GPC5: variants seen among roughly 807,000 people sequenced by gnomAD.
GPC5 encodes the protein glypican 5.
A neutral mutation model predicts 53.9 loss-of-function variants in GPC5; 47 were observed. That is an observed-to-expected ratio of 0.87 (90% CI 0.69 to 1.11). The LOEUF is 1.11. GPC5 is among the 50% of genes most tolerant of loss of function. The pLI is 0.00. For missense variants in GPC5, 748 were observed against 713.1 expected, an observed-to-expected ratio of 1.05 and a Z score of -0.56; for synonymous variants, 286 against 263.3, an observed-to-expected ratio of 1.09 and a Z score of -0.84.
intron 1 of GPC5, among the ~76,000 whole-genome samples, chr13:91,444,703 C>T (rs967682701): frequency 1.3e-5 from 2 of 152,126 alleles, no homozygotes; most frequent in African/African-American, 4.8e-5. Context: ...CAGCATTTCT[C>T]TTCTGTGTGT....
intron 7 of GPC5, among the ~76,000 whole-genome samples, chr13:92,702,173 T>C (rs9561121): frequency 0.13 from 20,166 of 152,092 alleles, 2,088 homozygotes; most frequent in East Asian, 0.4. Context: ...ATTTAAACTT[T>C]TAACAATGAA....
intron 6 of GPC5, among the ~76,000 whole-genome samples, chr13:92,098,214 T>C (rs9589426): frequency 0.039 from 5,932 of 152,174 alleles, 383 homozygotes; most frequent in African/African-American, 0.14. Flanking sequence ...TATGCGTCCA[T>C]GTGTTCTCAT....
At chr13:92,072,132 T>A (rs1213144037) in intron 6 of GPC5, among the ~76,000 whole-genome samples, 2 of 146,910 alleles carry the variant, frequency 1.4e-5, no homozygotes, top group South Asian at 2.1e-4. Flanking sequence ...AATAAAATGA[T>A]CATTTTATTA....
intron 6 of GPC5, among the ~76,000 whole-genome samples, chr13:91,969,576 A>G (rs2040221477): frequency 6.6e-6 from 1 of 152,186 alleles, no homozygotes; most frequent in Non-Finnish European, 1.5e-5. Flanking sequence ...CAACAAAATG[A>G]AAGGGCAACC....
At chr13:91,650,650 A>G (rs1200006894) in intron 2 of GPC5, among the ~76,000 whole-genome samples, 1 of 151,980 alleles carries the variant, frequency 6.6e-6, no homozygotes, top group East Asian at 1.9e-4. Context: ...CAATAAAACA[A>G]TTTTAACCTG....
rs986395565 is a variant in GPC5, at chr13:91,535,666, G to A, written c.325+86744G>A. Among the ~76,000 whole-genome samples, 3 of 152,030 alleles carry A rather than the reference G, an allele frequency of 2.0e-5. No homozygotes were observed. The South Asian group carries it at 6.2e-4, about 32-fold the overall frequency. Reference sequence around the variant, plus strand: ...TCGTCTTTTAATGGAAAATCAAACAGTAAAACGAATATACATAAAAAAATG... The same window carrying A: ...TCGTCTTTTAATGGAAAATCAAACAATAAAACGAATATACATAAAAAAATG... On this transcript the variant is annotated intron_variant, in intron 2 of 7. Coordinates refer to ENST00000377067, the MANE Select transcript of GPC5 (RefSeq NM_004466.6).
chr13:91,961,065 A>C (rs1024280048), intron 6 of GPC5, among the ~76,000 whole-genome samples: 15 of 151,770 alleles, frequency 9.9e-5, no homozygotes, highest in African/African-American at 3.1e-4. Flanking sequence ...TTAAAAAAAA[A>C]CTTCTCCATA....
chr13:91,593,743 A>AT (rs1262950469), intron 2 of GPC5, among the ~76,000 whole-genome samples: 2 of 152,126 alleles, frequency 1.3e-5, no homozygotes, highest in Admixed American at 1.3e-4. Context: ...AAGTAACATG[A>AT]TTTTTTTCAA....
intron 7 of GPC5, among the ~76,000 whole-genome samples, chr13:92,613,285 ATT>A (rs1219470023): frequency 8.2e-6 from 1 of 121,600 alleles, no homozygotes; most frequent in Non-Finnish European, 1.6e-5. Flanking sequence ...TATAATATAT[ATT>A]TTATATATAA....
At chr13:91,470,830 A>G (rs1882576210) in intron 2 of GPC5, among the ~76,000 whole-genome samples, 1 of 152,166 alleles carries the variant, frequency 6.6e-6, no homozygotes, top group South Asian at 2.1e-4. Context: ...TTAGAATTCC[A>G]TCTACATTTT....
intron 6 of GPC5, among the ~76,000 whole-genome samples, chr13:91,934,353 C>T (rs1566349978): frequency 6.6e-6 from 1 of 151,748 alleles, no homozygotes; most frequent in Non-Finnish European, 1.5e-5. Flanking sequence ...TTCACAAACA[C>T]TTTTTTGGGG....
chr13:92,853,024 C>T (rs563397495), intron 7 of GPC5, among the ~76,000 whole-genome samples: 5 of 152,174 alleles, frequency 3.3e-5, no homozygotes, highest in East Asian at 3.9e-4. Context: ...GTTAGAGTTT[C>T]GACCAGCTTT....
chr13:92,546,271 C>T (rs940764749), intron 7 of GPC5, among the ~76,000 whole-genome samples: 10 of 152,188 alleles, frequency 6.6e-5, no homozygotes, highest in African/African-American at 9.6e-5. Flanking sequence ...AAAACCCCAT[C>T]GTCTCAACCC....
intron 1 of GPC5, among the ~76,000 whole-genome samples, chr13:91,427,503 C>A (rs753769763): frequency 6.6e-6 from 1 of 152,210 alleles, no homozygotes; most frequent in Non-Finnish European, 1.5e-5. Flanking sequence ...TGGCTAATTT[C>A]TCCCATTTGG....
chr13:91,545,253 G>T (rs1318150618), intron 2 of GPC5, among the ~76,000 whole-genome samples: 1 of 152,186 alleles, frequency 6.6e-6, no homozygotes, highest in Non-Finnish European at 1.5e-5. Context: ...AAAGGCTCAT[G>T]TCTGTAAATC....
At chr13:91,878,961 A>G (rs1186356378) in intron 5 of GPC5, among the ~76,000 whole-genome samples, 1 of 151,990 alleles carries the variant, frequency 6.6e-6, no homozygotes, top group Admixed American at 6.6e-5. Flanking sequence ...ACAGCCTAAG[A>G]TTTCTCTCTA....
chr13:92,128,346 G>A (rs2041716664), intron 6 of GPC5, among the ~76,000 whole-genome samples: 1 of 152,070 alleles, frequency 6.6e-6, no homozygotes, highest in African/African-American at 2.4e-5. Flanking sequence ...TTCTCTCCAA[G>A]AACATCTCTA....
intron 2 of GPC5, among the ~76,000 whole-genome samples, chr13:91,577,995 A>T (rs190577214): frequency 3.9e-5 from 6 of 152,330 alleles, no homozygotes; most frequent in Admixed American, 2.0e-4. Context: ...TGGCTAGGCC[A>T]TGAAAGATAT....
At chr13:91,953,279 T>A (rs1030168318) in intron 6 of GPC5, among the ~76,000 whole-genome samples, 1 of 152,178 alleles carries the variant, frequency 6.6e-6, no homozygotes, top group African/African-American at 2.4e-5. Context: ...AATCTGGGAA[T>A]TTGAAGTTAG....
Sources: allele counts gnomAD v4.1 joint callset (sites outside exome capture counted in the v4.1 genomes callset), GRCh38; gene constraint gnomAD v4.1.1; transcripts MANE v1.5; gene names NCBI Gene and HGNC (gene_info 2026-07-23, HGNC 2026-07-21).